The following DOCK8 variants were observed in gnomAD, a reference collection of about 807,000 sequenced individuals.
DOCK8 encodes dedicator of cytokinesis 8.
DOCK8 carries 141 observed loss-of-function variants against 245.6 expected under a neutral mutation model. That is an observed-to-expected ratio of 0.57 (90% CI 0.50 to 0.66). DOCK8 has a LOEUF of 0.66. Ranked by LOEUF, DOCK8 falls within the 30% of genes least tolerant of loss-of-function variation. DOCK8 has a pLI of 0.00. For missense variants in DOCK8, 2,965 were observed against 2,603.4 expected (o/e 1.14, Z -3.02); for synonymous variants, 1,168 against 970.2 (o/e 1.20, Z -3.79).
intron 5 of DOCK8, among the ~76,000 whole-genome samples, chr9:307,442 T>C (rs564399549): frequency 7.4e-6 from 1 of 134,852 alleles, no homozygotes; most frequent in East Asian, 2.5e-4. Flanking sequence ...CACTACAACC[T>C]CCGCCTCCCA....
At chr9:316,963 C>T (rs111606534) in intron 6 of DOCK8, 80 bp from the exon 7 acceptor site, 7 of 1,127,110 alleles carry the variant, frequency 6.2e-6, no homozygotes, top group African/African-American at 4.6e-5. Flanking sequence ...GGAGGGTAGC[C>T]TTCCCTTCCC....
chr9:265,022 C>T (rs923131872), intron 1 of DOCK8, among the ~76,000 whole-genome samples: 1 of 152,170 alleles, frequency 6.6e-6, no homozygotes, highest in Non-Finnish European at 1.5e-5. Flanking sequence ...ACCTCCACCT[C>T]CCAGGTTCAA....
intron 39 of DOCK8, 34 bp from the exon 40 acceptor site, chr9:439,211 C>G: frequency 1.2e-6 from 2 of 1,614,060 alleles, no homozygotes; most frequent in Non-Finnish European, 1.7e-6. Flanking sequence ...TCTGGTCGCC[C>G]TGTTCTCCAG....
intron 31 of DOCK8, 116 bp from the exon 32 acceptor site, chr9:420,833 A>C: frequency 1.4e-6 from 2 of 1,434,532 alleles, no homozygotes; most frequent in South Asian, 1.2e-5. Context: ...GCAGCATCTC[A>C]GTGAAGCACA....
chr9:444,510 C>CA (rs1363280293), intron 43 of DOCK8, among the ~76,000 whole-genome samples: 5 of 152,044 alleles, frequency 3.3e-5, no homozygotes, highest in African/African-American at 1.2e-4. Flanking sequence ...CCTGGCTCAT[C>CA]AGTGTGTTCT....
At chr9:338,235 T>A (rs1437306867) in intron 12 of DOCK8, among the ~76,000 whole-genome samples, 6 of 152,196 alleles carry the variant, frequency 3.9e-5, no homozygotes, top group African/African-American at 1.4e-4. Context: ...TCGCTTGGTC[T>A]GACTCTGTTT....
At position 452,121 on chromosome 9, in the gene DOCK8, A is replaced by G; in HGVS notation, c.6068+4A>G. On this transcript the variant is annotated splice_donor_region_variant and intron_variant, in intron 46 of 47. Transcript: ENST00000432829. ...GCTTTAAGGAATTCATCATGAGGTA[A>G]GAAGGAAAATGGCTGGGAATTTCAG... The G allele has an allele frequency of 6.3e-7, 1 of 1,596,298 alleles. No homozygotes were observed. The highest frequency in any genetic ancestry group is 8.6e-7 in the Non-Finnish European group (1 of 1,164,764).
At chr9:424,554 T>C (rs2056408484) in intron 33 of DOCK8, among the ~76,000 whole-genome samples, 1 of 152,050 alleles carries the variant, frequency 6.6e-6, no homozygotes, top group Admixed American at 6.6e-5. Flanking sequence ...GGACTACAGG[T>C]GTGTACCACC....
intron 11 of DOCK8, 130 bp downstream of exon 11, chr9:334,514 A>G (rs2130880282): frequency 1.0e-6 from 1 of 956,278 alleles, no homozygotes; most frequent in African/African-American, 1.6e-5. Context: ...GATAAATAGA[A>G]TGAAACACTG....
intron 6 of DOCK8, among the ~76,000 whole-genome samples, chr9:315,607 A>G (rs2050308546): frequency 6.6e-6 from 1 of 152,174 alleles, no homozygotes; most frequent in Admixed American, 6.5e-5. Flanking sequence ...AAATATTTAT[A>G]TATGTATATG....
intron 1 of DOCK8, among the ~76,000 whole-genome samples, chr9:235,084 G>A (rs1389432216): frequency 6.6e-6 from 1 of 152,112 alleles, no homozygotes; most frequent in East Asian, 1.9e-4. Flanking sequence ...TGGTGTGGAT[G>A]TCCTTTCTGT....
At chr9:288,461 C>T (rs1563879466) in intron 3 of DOCK8, among the ~76,000 whole-genome samples, 1 of 152,160 alleles carries the variant, frequency 6.6e-6, no homozygotes, top group African/African-American at 2.4e-5. Context: ...TAATGCCTGC[C>T]CTATGGTGCT....
At chr9:349,800 GTC>G (rs1441112532) in intron 14 of DOCK8, among the ~76,000 whole-genome samples, 1 of 152,188 alleles carries the variant, frequency 6.6e-6, no homozygotes, top group African/African-American at 2.4e-5. Flanking sequence ...GTACACAATA[GTC>G]TCTGAATTTT....
At chr9:433,203 A>G (rs948374493) in intron 37 of DOCK8, among the ~76,000 whole-genome samples, 1 of 152,180 alleles carries the variant, frequency 6.6e-6, no homozygotes, top group African/African-American at 2.4e-5. Flanking sequence ...AGACCAATCA[A>G]ACTATGGGCA....
At chr9:347,636 G>C (rs2051963870) in intron 14 of DOCK8, among the ~76,000 whole-genome samples, 1 of 152,198 alleles carries the variant, frequency 6.6e-6, no homozygotes. Flanking sequence ...GTTAGGAAGG[G>C]CAGTGGCAGC....
chr9:296,484 C>G (rs1000316235), intron 4 of DOCK8, among the ~76,000 whole-genome samples: 8 of 152,112 alleles, frequency 5.3e-5, no homozygotes, highest in Non-Finnish European at 8.8e-5. Flanking sequence ...TGTTTTTCAT[C>G]TGGGGTGATT....
At chr9:271,089 G>C (rs1231921473) in intron 1 of DOCK8, among the ~76,000 whole-genome samples, 1 of 152,212 alleles carries the variant, frequency 6.6e-6, no homozygotes, top group Non-Finnish European at 1.5e-5. Flanking sequence ...ACTAGGAGCA[G>C]TTGGGAAAAA....
chr9:216,035 C>T (rs116982214), intron 1 of DOCK8, among the ~76,000 whole-genome samples: 5 of 152,114 alleles, frequency 3.3e-5, no homozygotes, highest in Admixed American at 2.6e-4. Flanking sequence ...GAGGTTTGAA[C>T]AAGGAATTAA....
At chr9:250,780 G>A (rs749167848) in intron 1 of DOCK8, among the ~76,000 whole-genome samples, 2 of 152,182 alleles carry the variant, frequency 1.3e-5, no homozygotes, top group Non-Finnish European at 2.9e-5. Flanking sequence ...TGATGCAGCC[G>A]AAAGATCACA....
Sources: allele counts gnomAD v4.1 joint callset (sites outside exome capture counted in the v4.1 genomes callset), GRCh38; gene constraint gnomAD v4.1.1; transcripts MANE v1.5; gene names NCBI Gene and HGNC (gene_info 2026-07-23, HGNC 2026-07-21).